Variants in ELAC1 observed in about 807,000 individuals in gnomAD.
ELAC1 encodes the protein zinc phosphodiesterase ELAC protein 1.
ELAC1 carries 19 observed loss-of-function variants against 25.8 expected under a neutral mutation model. The observed-to-expected ratio is 0.74, with a 90% CI of 0.51 to 1.08. The LOEUF is 1.08. Ranked by LOEUF, ELAC1 falls within the 50% of genes least tolerant of loss-of-function variation. The pLI is 0.00. For synonymous variants in ELAC1, 148 were observed against 160.9 expected (o/e 0.92, Z 0.61); for missense variants, 403 against 434.6 (o/e 0.93, Z 0.65).
chr18:50,986,688 C>G lies in ELAC1; in HGVS notation c.695C>G (p.Thr232Arg), dbSNP rs757465081. The change falls in exon 4 of 4, where the codon ACA (threonine) becomes AGA (arginine). Residue 232 changes from threonine to arginine, a missense_variant. Thr to Arg is a moderately conservative substitution (Grantham distance 71, BLOSUM62 -1). Transcript: ENST00000269466. ...TCTGTTGTTCTGGAAAATGGGGTTA[C>G]AATTTCTCCCCAAGATGTCTTAAAA... The part of the protein sequence containing the change: ...GISVVLENGV[T>R]ISPQDVLKKP... 1.9e-6 allele frequency: 3 copies of G among 1,614,088 alleles called. No homozygotes were observed. Among genetic ancestry groups the G allele is most frequent in the Non-Finnish European group, 2.5e-6 (3 of 1,179,986 alleles).
rs1172185342 is a variant in ELAC1 at position 50,971,908 on chromosome 18, GTGTGTA to G, written c.-8-2487_-8-2482del. Among the ~76,000 whole-genome samples, 951 of 127,200 alleles carry G rather than the reference GTGTGTA, an allele frequency of 7.5e-3. 16 individuals carry two copies. The highest frequency in any genetic ancestry group is 0.025 in the African/African-American group (735 of 29,546). The allele number at this position is 127,200 out of a possible 152,430, so 83.4% of individuals were successfully genotyped here. A position where few individuals can be genotyped will look rare whatever the true frequency, so the allele number is the denominator to read the frequency against. On this transcript the variant is annotated intron_variant, in intron 1 of 3. Transcript: ENST00000269466. ...TATATATGTATATATGTGTGTGTGT[GTGTGTA>G]TATATATATATATATATATATATAT...
chr18:50,970,655 T>C (rs1294482034), intron 1 of ELAC1, among the ~76,000 whole-genome samples: 4 of 148,060 alleles, frequency 2.7e-5, no homozygotes, highest in Non-Finnish European at 5.9e-5. Context: ...CTAGGTAGTG[T>C]GTAGTTAGAG....
At chr18:50,978,648 A>G (rs1476722332) in intron 2 of ELAC1, among the ~76,000 whole-genome samples, 3 of 152,134 alleles carry the variant, frequency 2.0e-5, no homozygotes, top group Non-Finnish European at 2.9e-5. Flanking sequence ...ATCACTGTGT[A>G]TATGTGTGTG....
intron 3 of ELAC1, among the ~76,000 whole-genome samples, chr18:50,985,158 G>T (rs2144325777): frequency 6.6e-6 from 1 of 152,284 alleles, no homozygotes. Flanking sequence ...GGTTGGCAAG[G>T]TGATTTGGGT....
chr18:50,974,602 G>A (rs571188524), intron 2 of ELAC1, 41 bp downstream of exon 2: 1 of 1,596,494 alleles, frequency 6.3e-7, no homozygotes, highest in South Asian at 1.1e-5. Flanking sequence ...TTTTTTTGTT[G>A]TTCTGCTTCA....
rs573581976 is a variant in ELAC1 at position 50,968,420 on chromosome 18, C to G, written c.-9+306C>G. On this transcript the variant is annotated intron_variant, in intron 1 of 3. Transcript: ENST00000269466. ...CCTCTTACTCTCTGCCGCCCGGCCT[C>G]GGTTCTTTCAGCTCTAAGATGGAGG... is the stretch of plus-strand genomic sequence containing the variant. The G allele has an allele frequency of 3.3e-5, 5 of 152,662 alleles. No homozygotes were observed. The South Asian group carries it at 1.0e-3, about 32-fold the overall frequency. The allele number at this position is 152,662 out of a possible 1,614,324, so 9.5% of individuals were successfully genotyped here.
At position 50,978,134 on chromosome 18, in the gene ELAC1, A is replaced by C. The variant is rs184971900; in HGVS notation, c.157+3573A>C. On this transcript the variant is annotated intron_variant, in intron 2 of 3. Coordinates refer to ENST00000269466, the MANE Select transcript of ELAC1 (RefSeq NM_018696.3). ...TGTCTTCTGAGCCCTCCAAGTCTCT[A>C]GGAAATTCTAAACCTTCCCATATTT... Among the ~76,000 whole-genome samples, 679 of 152,274 alleles carry C rather than the reference A, an allele frequency of 4.5e-3. 3 individuals carry two copies. Among genetic ancestry groups the C allele is most frequent in the Admixed American group, 7.8e-3 (120 of 15,294 alleles).
Position 50,986,730 on chromosome 18 carries a change from GA to G in ELAC1, c.742del (p.Ile248SerfsTer16). On this transcript the variant is annotated frameshift_variant, in exon 4 of 4. Coordinates refer to ENST00000269466, the MANE Select transcript of ELAC1 (RefSeq NM_018696.3). LOFTEE classifies it high-confidence loss of function. ...QDVLKKPIVG[R>X]KICILGDCSG... is the part of the protein sequence containing the mutation. ...GTCTTAAAAAAGCCTATTGTTGGAA[GA>G]AAAATCTGCATATTGGGTGACTGCT... 4 of 1,614,186 alleles carry G rather than the reference GA, an allele frequency of 2.5e-6. No individual in the cohort carries two copies. Among genetic ancestry groups the G allele is most frequent in the Non-Finnish European group, 3.4e-6 (4 of 1,180,032 alleles).
intron 1 of ELAC1, 29 bp downstream of exon 1, chr18:50,968,143 G>T (rs1283753808): frequency 6.6e-6 from 1 of 152,184 alleles, no homozygotes; most frequent in Non-Finnish European, 1.5e-5. Flanking sequence ...ACCAGAGGGG[G>T]GCGGGCGCGC....
chr18:50,982,142 G>A (rs1361019263), intron 2 of ELAC1, among the ~76,000 whole-genome samples: 1 of 152,090 alleles, frequency 6.6e-6, no homozygotes, highest in African/African-American at 2.4e-5. Context: ...CATTGCACCC[G>A]GCCCTATTGC....
At chr18:50,977,280 T>C (rs931767435) in intron 2 of ELAC1, among the ~76,000 whole-genome samples, 6 of 152,152 alleles carry the variant, frequency 3.9e-5, no homozygotes, top group Non-Finnish European at 8.8e-5. Flanking sequence ...CTAGTAGAGG[T>C]TCTTTGTGAG....
intron 2 of ELAC1, among the ~76,000 whole-genome samples, chr18:50,981,077 C>T (rs149570133): frequency 1.3e-4 from 20 of 150,572 alleles, no homozygotes; most frequent in African/African-American, 4.7e-4. Flanking sequence ...TTATCCCTCA[C>T]CACACACCCC....
intron 1 of ELAC1, among the ~76,000 whole-genome samples, chr18:50,972,344 C>T (rs1907689817): frequency 1.3e-5 from 2 of 152,110 alleles, no homozygotes; most frequent in South Asian, 4.1e-4. Flanking sequence ...TATGTCAGTG[C>T]CATTCATTAA....
chr18:50,973,499 A>G (rs1479829935), intron 1 of ELAC1, among the ~76,000 whole-genome samples: 1 of 152,234 alleles, frequency 6.6e-6, no homozygotes, highest in African/African-American at 2.4e-5. Context: ...CATGTCATGT[A>G]GGGAGTGAGA....
chr18:50,977,033 C>A (rs975943642), intron 2 of ELAC1, among the ~76,000 whole-genome samples: 11 of 152,334 alleles, frequency 7.2e-5, no homozygotes, highest in Admixed American at 6.5e-4. Flanking sequence ...GAGGTGGGCT[C>A]CCATTGTCTT....
At chr18:50,973,630 GGTGA>G (rs1243457068) in intron 1 of ELAC1, among the ~76,000 whole-genome samples, 2 of 152,158 alleles carry the variant, frequency 1.3e-5, no homozygotes, top group East Asian at 3.8e-4. Flanking sequence ...GACACCATAT[GGTGA>G]GTATCATTAA....
At chr18:50,968,211 G>A (rs1477755550) in intron 1 of ELAC1, 97 bp downstream of exon 1, 1 of 152,028 alleles carries the variant, frequency 6.6e-6, no homozygotes, top group African/African-American at 2.4e-5. Context: ...CCTAAGCCTG[G>A]GGAGCGCCCG....
intron 1 of ELAC1, among the ~76,000 whole-genome samples, chr18:50,970,780 T>A (rs1907630148): frequency 6.6e-6 from 1 of 151,698 alleles, no homozygotes; most frequent in African/African-American, 2.4e-5. Context: ...TGCAATAAAT[T>A]TAAAAGAAAA....
intron 1 of ELAC1, chr18:50,969,335 G>A (rs1907588366): frequency 6.6e-6 from 1 of 152,068 alleles, no homozygotes; most frequent in Non-Finnish European, 1.5e-5. Flanking sequence ...TTCCATCTCT[G>A]GTATCCTTTA....
Sources: allele counts gnomAD v4.1 joint callset (sites outside exome capture counted in the v4.1 genomes callset), GRCh38; gene constraint gnomAD v4.1.1; transcripts MANE v1.5; gene names NCBI Gene and HGNC (gene_info 2026-07-23, HGNC 2026-07-21).